CFTR: variants seen among roughly 807,000 people sequenced by gnomAD.
CFTR encodes cystic fibrosis transmembrane conductance regulator.
CFTR carries 181 observed loss-of-function variants against 171.6 expected under a neutral mutation model. The observed-to-expected ratio is 1.05, with a 90% CI of 0.93 to 1.19. CFTR has a LOEUF of 1.19. CFTR is among the 50% of genes most tolerant of loss of function. The pLI is 0.00. For missense variants in CFTR, 1,968 were observed against 1,734.7 expected, an observed-to-expected ratio of 1.13 and a Z score of -2.39; for synonymous variants, 583 against 608.0, an observed-to-expected ratio of 0.96 and a Z score of 0.60.
At position 117,559,470 on chromosome 7, in the gene CFTR, C is replaced by T. The variant is rs1800089; in HGVS notation, c.1399C>T (p.Leu467Phe). 40 of 1,601,010 alleles carry T rather than the reference C, an allele frequency of 2.5e-5. No individual in the cohort carries two copies. The highest frequency in any genetic ancestry group is 3.3e-5 in the Non-Finnish European group (39 of 1,168,784). ...TGATGGGTTTTATTTCCAGACTTCA[C>T]TTCTAATGGTGATTATGGGAGAACT... The part of the protein sequence containing the change: ...AGSTGAGKTS[L>F]LMVIMGELEP... Residue 467 changes from leucine (L) to phenylalanine (F), a missense_variant, in exon 11 of 27, where the codon CTT (leucine) becomes TTT (phenylalanine). Leu to Phe is a conservative substitution (Grantham distance 22). Coordinates refer to ENST00000003084, the MANE Select transcript of CFTR (RefSeq NM_000492.4).
chr7:117,606,524 C>T lies in CFTR; in HGVS notation c.2909-150C>T, dbSNP rs1792302346. On this transcript the variant is annotated intron_variant, in intron 17 of 26. Coordinates refer to ENST00000003084, the MANE Select transcript of CFTR (RefSeq NM_000492.4). ...ATTATTTAGAATGTTTGGAAAGAAA[C>T]AAAAATTTCTAAGTCTATCTGATTC... 2.3e-5 allele frequency: 14 copies of T among 604,364 alleles called. No individual in the cohort carries two copies. The South Asian group carries it at 2.9e-4, about 13-fold the overall frequency. 37.4% of individuals were successfully genotyped at this position (604,364 alleles called of 1,614,324 possible).
intron 11 of CFTR, among the ~76,000 whole-genome samples, chr7:117,578,944 C>T (rs1791812400): frequency 6.6e-6 from 1 of 151,854 alleles, no homozygotes; most frequent in African/African-American, 2.4e-5. Context: ...TTTGCTTCTT[C>T]TTTCAAAGTC....
At chr7:117,543,600 A>G (rs1799092686) in intron 9 of CFTR, among the ~76,000 whole-genome samples, 1 of 152,196 alleles carries the variant, frequency 6.6e-6, no homozygotes, top group South Asian at 2.1e-4. Context: ...CACCAATAAT[A>G]AAATGGAGGC....
At chr7:117,533,867 A>C (rs1020855982) in intron 4 of CFTR, among the ~76,000 whole-genome samples, 1 of 152,158 alleles carries the variant, frequency 6.6e-6, no homozygotes, top group Non-Finnish European at 1.5e-5. Context: ...CTTAAAAGTA[A>C]TTTTATTCAA....
At position 117,554,154 on chromosome 7, in the gene CFTR, C is replaced by T. The variant is rs570845923; in HGVS notation, c.1393-5310C>T. On this transcript the variant is annotated intron_variant, in intron 10 of 26. Transcript: ENST00000003084. Reference sequence around the variant, plus strand: ...GGCCACTTTGGCTAATGTTTTTAGGCTATTCTGTAGGGAGACAAGGGAGGA... The same window carrying T: ...GGCCACTTTGGCTAATGTTTTTAGGTTATTCTGTAGGGAGACAAGGGAGGA... Among the ~76,000 whole-genome samples the T allele has an allele frequency of 2.1e-4, 32 of 152,132 alleles. 1 individual carries two copies. The South Asian group carries it at 6.7e-3, about 32-fold the overall frequency.
chr7:117,666,820 A>G, intron 26 of CFTR, 88 bp from the exon 27 acceptor site: 3 of 1,140,200 alleles, frequency 2.6e-6, no homozygotes, highest in Admixed American at 1.7e-5. Flanking sequence ...TTTGACTTTT[A>G]TTTTCCTTTG....
chr7:117,504,261 G>T lies in CFTR; in HGVS notation c.62G>T (p.Arg21Ile), dbSNP rs777520137. Residue 21 changes from arginine to isoleucine, a missense_variant, in exon 2 of 27, where the codon AGA becomes ATA. Arg to Ile is a moderately conservative substitution (Grantham distance 97). Coordinates refer to ENST00000003084, the MANE Select transcript of CFTR (RefSeq NM_000492.4). ...TCCTCTCTTTATTTTAGCTGGACCAGACCAATTTTGAGGAAAGGATACAGA... is the reference window on the plus strand; with the variant it reads ...TCCTCTCTTTATTTTAGCTGGACCATACCAATTTTGAGGAAAGGATACAGA... ...VVSKLFFSWT[R>I]PILRKGYRQR... The T allele has an allele frequency of 6.2e-6, 10 of 1,603,210 alleles. No individual in the cohort carries two copies. Among genetic ancestry groups the T allele is most frequent in the Non-Finnish European group, 2.6e-6 (3 of 1,170,316 alleles).
intron 1 of CFTR, among the ~76,000 whole-genome samples, 162 bp from the exon 2 acceptor site, chr7:117,504,091 T>C (rs1461761625): frequency 6.6e-6 from 1 of 152,214 alleles, no homozygotes; most frequent in Non-Finnish European, 1.5e-5. Flanking sequence ...AGGTGTAGCC[T>C]GTAAGAGATG....
chr7:117,536,059 C>T (rs565508091), intron 6 of CFTR, among the ~76,000 whole-genome samples: 18 of 152,106 alleles, frequency 1.2e-4, no homozygotes, highest in Non-Finnish European at 2.1e-4. Flanking sequence ...ATCATCACAC[C>T]AGAGCCTTAG....
chr7:117,561,516 T>C (rs993328787), intron 11 of CFTR, among the ~76,000 whole-genome samples: 2 of 152,126 alleles, frequency 1.3e-5, no homozygotes, highest in African/African-American at 2.4e-5. Context: ...CCATCTACTT[T>C]CTGTCTCTAT....
At chr7:117,621,203 T>C (rs967117187) in intron 21 of CFTR, among the ~76,000 whole-genome samples, 1 of 152,172 alleles carries the variant, frequency 6.6e-6, no homozygotes, top group African/African-American at 2.4e-5. Flanking sequence ...CTGAGCATGA[T>C]GTTTGTAATT....
At chr7:117,614,403 A>T (rs544678306) in intron 20 of CFTR, among the ~76,000 whole-genome samples, 1 of 152,304 alleles carries the variant, frequency 6.6e-6, no homozygotes, top group Non-Finnish European at 1.5e-5. Context: ...TCGCTCTTTG[A>T]TTTAAAATCC....
At chr7:117,524,252 G>C (rs577986308) in intron 3 of CFTR, among the ~76,000 whole-genome samples, 86 of 152,132 alleles carry the variant, frequency 5.7e-4, no homozygotes, top group African/African-American at 2.0e-3. Context: ...GCTTTGTCTG[G>C]TATGCATGGT....
intron 11 of CFTR, among the ~76,000 whole-genome samples, chr7:117,568,083 T>A (rs1356228134): frequency 6.6e-6 from 1 of 152,098 alleles, no homozygotes; most frequent in Non-Finnish European, 1.5e-5. Context: ...TATAGTCACT[T>A]CTGTGTGGCT....
intron 24 of CFTR, among the ~76,000 whole-genome samples, chr7:117,653,335 C>T (rs1224590891): frequency 2.6e-5 from 4 of 152,110 alleles, no homozygotes; most frequent in African/African-American, 9.7e-5. Flanking sequence ...AATAAAATAC[C>T]AAAGACTGAG....
chr7:117,491,198 T>A (rs993302302), intron 1 of CFTR, among the ~76,000 whole-genome samples: 2 of 152,058 alleles, frequency 1.3e-5, no homozygotes. Flanking sequence ...GGAACATGTC[T>A]AAACACAGAA....
intron 10 of CFTR, among the ~76,000 whole-genome samples, chr7:117,556,107 C>T (rs938335557): frequency 6.6e-6 from 1 of 152,048 alleles, no homozygotes; most frequent in Non-Finnish European, 1.5e-5. Context: ...TTACTGTCAC[C>T]AGGCTGGAGC....
chr7:117,585,630 TTTTG>T (rs1350750445), intron 11 of CFTR, among the ~76,000 whole-genome samples: 5 of 152,040 alleles, frequency 3.3e-5, no homozygotes, highest in Non-Finnish European at 7.4e-5. Context: ...TTTAAGTGTT[TTTTG>T]TTTGTTTGTT....
intron 1 of CFTR, 139 bp downstream of exon 1, chr7:117,480,286 TG>T (rs1177301187): frequency 1.3e-6 from 1 of 795,242 alleles, no homozygotes; most frequent in African/African-American, 1.7e-5. Flanking sequence ...AAAGAAAATG[TG>T]GGTATTGTAG....
Sources: gnomAD v4.1 joint callset for allele counts (sites outside exome capture counted in the v4.1 genomes callset) on GRCh38, gnomAD v4.1.1 for gene constraint, MANE v1.5 for transcripts, NCBI Gene and HGNC (gene_info 2026-07-23, HGNC 2026-07-21) for gene names.